The following URI1 variants were observed in gnomAD, a reference collection of about 807,000 sequenced individuals.
The protein encoded by URI1 is unconventional prefoldin RPB5 interactor 1.
In URI1, 39 loss-of-function variants were observed where a neutral mutation model predicts 60.2. That is an observed-to-expected ratio of 0.65 (90% CI 0.50 to 0.85). The LOEUF (loss-of-function observed/expected upper bound fraction) is 0.85, where lower values mean the gene tolerates loss of function less well. URI1 is among the 40% of genes least tolerant of loss of function. The probability of loss-of-function intolerance (pLI) is 0.00; values close to 1 mark genes in which losing one functional copy is unlikely to be tolerated. For missense variants in URI1, 691 were observed against 665.9 expected (o/e 1.04, Z -0.42); for synonymous variants, 251 against 236.8 (o/e 1.06, Z -0.55).
At chr19:30,001,881 G>A (rs1472766864) in intron 4 of URI1, among the ~76,000 whole-genome samples, 3 of 151,948 alleles carry the variant, frequency 2.0e-5, no homozygotes, top group Non-Finnish European at 4.4e-5. Context: ...TAGGGGAAAG[G>A]CAAATACTAA....
chr19:30,014,931 C>T lies in URI1; in HGVS notation c.1470C>T (p.Ser490=), dbSNP rs1336691931. ...TAGAAAAAGAATTTGTATCACCTTCCTTAACACCACCCCCAGCCATTGCTC... is the reference window on the plus strand; with the variant it reads ...TAGAAAAAGAATTTGTATCACCTTCTTTAACACCACCCCCAGCCATTGCTC... ...TVIEKEFVSP[S]LTPPPAIAHP... is the part of the protein sequence containing the mutation. Residue 490 remains serine, a synonymous_variant, in exon 11 of 11, where the codon TCC becomes TCT. Transcript: ENST00000392271. 6.2e-7 allele frequency: 1 copy of T among 1,613,540 alleles called. No individual in the cohort carries two copies. Among genetic ancestry groups the T allele is most frequent in the South Asian group, 1.1e-5 (1 of 91,006 alleles).
intron 4 of URI1, among the ~76,000 whole-genome samples, chr19:29,989,063 A>G (rs1378925299): frequency 6.7e-6 from 1 of 150,350 alleles, no homozygotes. Context: ...GTCCTCTTTT[A>G]CCTGTTGAAC....
intron 1 of URI1, among the ~76,000 whole-genome samples, chr19:29,960,857 A>G (rs1479292424): frequency 6.6e-6 from 1 of 151,998 alleles, no homozygotes; most frequent in Non-Finnish European, 1.5e-5. Context: ...TACCATTTTA[A>G]TAATTTTATT....
chr19:29,936,039 G>T (rs2054969109), intron 1 of URI1, among the ~76,000 whole-genome samples: 1 of 152,074 alleles, frequency 6.6e-6, no homozygotes, highest in Non-Finnish European at 1.5e-5. Context: ...ACCTGCCTTG[G>T]CCTCCCAAAG....
intron 1 of URI1, among the ~76,000 whole-genome samples, chr19:29,966,031 G>C (rs2055387435): frequency 6.6e-6 from 1 of 152,136 alleles, no homozygotes; most frequent in Non-Finnish European, 1.5e-5. Flanking sequence ...TTCAGAAGTG[G>C]CTCCATATAA....
At position 29,942,280 on chromosome 19, in the gene URI1, CG is replaced by C. The variant is rs1394773246; in HGVS notation, c.-267del. On this transcript the variant is annotated 5_prime_UTR_variant, in exon 1 of 11. Transcript: ENST00000392271. ...CCGCCACGCGACGCCTGGCTGGGCC[CG>C]CACCGGAGAGGCGTCTCGGTACCTG... is the stretch of plus-strand genomic sequence containing the variant. 7 of 985,060 alleles carry C rather than the reference CG, an allele frequency of 7.1e-6. No homozygotes were observed. In the African/African-American group the frequency reaches 1.2e-4, roughly 17 times the overall value. 61.0% of individuals were successfully genotyped at this position (985,060 alleles called of 1,614,324 possible). A position where few individuals can be genotyped will look rare whatever the true frequency, so the allele number is the denominator to read the frequency against.
upstream of URI1, among the ~76,000 whole-genome samples, chr19:29,937,271 T>C (rs535895502): frequency 6.6e-6 from 1 of 152,324 alleles, no homozygotes; most frequent in Non-Finnish European, 1.5e-5. Flanking sequence ...TCCCTATTTG[T>C]TCATATATTA....
At chr19:29,953,146 T>C (rs1260234708) in intron 1 of URI1, among the ~76,000 whole-genome samples, 2 of 152,238 alleles carry the variant, frequency 1.3e-5, no homozygotes, top group Non-Finnish European at 2.9e-5. Context: ...TGCTCTCATT[T>C]CACCATCACG....
intron 1 of URI1, among the ~76,000 whole-genome samples, chr19:29,950,261 T>C (rs1018184232): frequency 1.3e-5 from 2 of 152,138 alleles, no homozygotes; most frequent in Admixed American, 1.3e-4. Context: ...CCCAAAACAC[T>C]GGGGGGAAAG....
chr19:29,994,077 G>A (rs1220746982), intron 4 of URI1, among the ~76,000 whole-genome samples: 1 of 152,026 alleles, frequency 6.6e-6, no homozygotes, highest in Non-Finnish European at 1.5e-5. Context: ...GTGTGTGTGT[G>A]TGTGTGTATC....
At chr19:29,953,600 C>A (rs2055206345) in intron 1 of URI1, among the ~76,000 whole-genome samples, 1 of 152,046 alleles carries the variant, frequency 6.6e-6, no homozygotes, top group Non-Finnish European at 1.5e-5. Flanking sequence ...CTAGGCAATG[C>A]AGTAGACAAT....
intron 2 of URI1, among the ~76,000 whole-genome samples, chr19:29,982,257 A>G (rs1407539523): frequency 2.0e-5 from 3 of 152,206 alleles, no homozygotes; most frequent in Non-Finnish European, 4.4e-5. Flanking sequence ...ACTGCTCTCC[A>G]GTATGTCCGC....
intron 2 of URI1, among the ~76,000 whole-genome samples, chr19:29,980,795 G>A (rs2055586475): frequency 6.6e-6 from 1 of 151,224 alleles, no homozygotes; most frequent in Non-Finnish European, 1.5e-5. Context: ...GGTGGCGCGT[G>A]CCTATAATCT....
At chr19:29,998,469 C>T (rs2055839668) in intron 4 of URI1, among the ~76,000 whole-genome samples, 2 of 152,038 alleles carry the variant, frequency 1.3e-5, no homozygotes, top group South Asian at 2.1e-4. Context: ...CTGTTCTGTA[C>T]ATTTTTGCTT....
chr19:29,929,064 T>G (rs1277387163), intron 1 of URI1, among the ~76,000 whole-genome samples: 1 of 152,172 alleles, frequency 6.6e-6, no homozygotes, highest in African/African-American at 2.4e-5. Context: ...ACTGAAACCG[T>G]GTTCTTGCTT....
chr19:29,944,140 C>CATAT (rs56329506), intron 1 of URI1, among the ~76,000 whole-genome samples: 710 of 36,772 alleles, frequency 0.019, 34 homozygotes, highest in Non-Finnish European at 0.029. Flanking sequence ...CCCTGTCATT[C>CATAT]ATATATATAT....
chr19:30,015,491 T>A lies in URI1; in HGVS notation c.*422T>A. 2.0e-6 allele frequency: 3 copies of A among 1,524,684 alleles called. No homozygotes were observed. Among genetic ancestry groups the A allele is most frequent in the Non-Finnish European group, 2.6e-6 (3 of 1,143,770 alleles). The allele number at this position is 1,524,684 out of a possible 1,614,324, so 94.4% of individuals were successfully genotyped here. ...TAGATTCAACAATTACATTACTTGCTTTCACATTTTAAAGGCACTTTAAAA... is the reference window on the plus strand; with the variant it reads ...TAGATTCAACAATTACATTACTTGCATTCACATTTTAAAGGCACTTTAAAA... On this transcript the variant is annotated 3_prime_UTR_variant, in exon 11 of 11. Transcript: ENST00000392271.
At chr19:29,966,494 C>T (rs1045970158) in intron 1 of URI1, among the ~76,000 whole-genome samples, 5 of 152,068 alleles carry the variant, frequency 3.3e-5, no homozygotes, top group African/African-American at 1.2e-4. Context: ...GTGCTTATTG[C>T]ATTTTTTTCT....
intron 6 of URI1, among the ~76,000 whole-genome samples, chr19:30,006,554 T>A (rs1178378102): frequency 6.6e-6 from 1 of 152,152 alleles, no homozygotes; most frequent in African/African-American, 2.4e-5. Context: ...TTATGAGCGC[T>A]ACAGGTCTGA....
Sources: allele counts gnomAD v4.1 joint callset (sites outside exome capture counted in the v4.1 genomes callset), GRCh38; gene constraint gnomAD v4.1.1; transcripts MANE v1.5; gene names NCBI Gene and HGNC (gene_info 2026-07-23, HGNC 2026-07-21).